Variants in GATC observed in about 807,000 individuals in gnomAD.
The protein encoded by GATC is glutamyl-tRNA(Gln) amidotransferase subunit C, mitochondrial.
A neutral mutation model predicts 14.4 loss-of-function variants in GATC; 11 were observed. The observed-to-expected ratio is 0.77, with a 90% CI of 0.48 to 1.27. The LOEUF (loss-of-function observed/expected upper bound fraction) is 1.27. Ranked by LOEUF, GATC falls within the 50% of genes most tolerant of loss-of-function variation. The pLI, the probability that GATC is intolerant of heterozygous loss-of-function variation, is 0.00. For synonymous variants in GATC, 76 were observed against 79.3 expected (o/e 0.96, Z 0.22); for missense variants, 204 against 183.0 (o/e 1.11, Z -0.66).
At chr12:120,450,371 AAACCT>A (rs1300333523) in intron 2 of GATC, 1 of 152,218 alleles carries the variant, frequency 6.6e-6, no homozygotes. Flanking sequence ...GACAAGTATT[AAACCT>A]TTTATTTTTT....
intron 3 of GATC, among the ~76,000 whole-genome samples, chr12:120,457,505 A>C (rs1278405580): frequency 1.3e-5 from 2 of 150,882 alleles, no homozygotes; most frequent in African/African-American, 4.9e-5. Context: ...CCTGTAATCG[A>C]CTCCAACTTT....
At position 120,451,888 on chromosome 12, in the gene GATC, T is replaced by TC. The variant is rs1389494004; in HGVS notation, c.254+5059_254+5060insC. On this transcript the variant is annotated intron_variant, in intron 2 of 3. Transcript: ENST00000551765. The stretch of plus-strand genomic sequence containing the variant: ...ATTATATAAATTCTTTTTTTTTTTT[T>TC]TTTTTTTGAGCTGGAGTCTCACTCT... Among the ~76,000 whole-genome samples, 37 of 69,324 alleles carry TC rather than the reference T, an allele frequency of 5.3e-4. 1 individual carries two copies. Among genetic ancestry groups the TC allele is most frequent in the African/African-American group, 1.1e-3 (23 of 20,710 alleles). The allele number at this position is 69,324 out of a possible 152,430, so 45.5% of individuals were successfully genotyped here.
At chr12:120,449,820 T>G (rs1323958681) in intron 2 of GATC, among the ~76,000 whole-genome samples, 1 of 151,928 alleles carries the variant, frequency 6.6e-6, no homozygotes, top group East Asian at 1.9e-4. Flanking sequence ...TGGAGTGCAA[T>G]GGCGCGATCT....
intron 2 of GATC, among the ~76,000 whole-genome samples, chr12:120,451,875 C>CTTTTTTTTTTTTCTTTTTTTTTTTTTTTT (rs1592984307): frequency 3.3e-5 from 3 of 90,794 alleles, no homozygotes; most frequent in African/African-American, 8.4e-5. Flanking sequence ...TATATAAATT[C>CTTTTTTTTTTTTCTTTTTTTTTTTTTTTT]TTTTTTTTTT....
At chr12:120,456,309 G>T (rs1449155169) in intron 2 of GATC, among the ~76,000 whole-genome samples, 1 of 152,142 alleles carries the variant, frequency 6.6e-6, no homozygotes, top group Admixed American at 6.5e-5. Flanking sequence ...CAGAACACTG[G>T]GAGATTCTTG....
chr12:120,446,742 G>A lies in GATC; in HGVS notation c.167G>A (p.Arg56Gln). The change falls in exon 2 of 4, where the codon CGA (arginine) becomes CAA (glutamine). Residue 56 changes from arginine (R) to glutamine (Q), a missense_variant. Coordinates refer to ENST00000551765, the MANE Select transcript of GATC (RefSeq NM_176818.3). ...TTCGGCAGCCGCGAGGCAGTGGCGC[G>A]ACTGGAGAAAGCTATCGCCTTCGCC... Reference protein sequence around the residue: ...VDFGSREAVARLEKAIAFADR... With the variant: ...VDFGSREAVAQLEKAIAFADR... The A allele has an allele frequency of 1.2e-6, 2 of 1,614,054 alleles. No homozygotes were observed. Among genetic ancestry groups the A allele is most frequent in the East Asian group, 2.2e-5 (1 of 44,874 alleles).
chr12:120,448,581 C>T (rs1424287996), intron 2 of GATC, among the ~76,000 whole-genome samples: 4 of 150,622 alleles, frequency 2.7e-5, no homozygotes, highest in Non-Finnish European at 5.9e-5. Flanking sequence ...CGCCCATCTT[C>T]GCCTCCCAAA....
At position 120,457,191 on chromosome 12, in the gene GATC, C is replaced by T. The variant is rs1878209678; in HGVS notation, c.358+12C>T. On this transcript the variant is annotated intron_variant, in intron 3 of 3. Coordinates refer to ENST00000551765, the MANE Select transcript of GATC (RefSeq NM_176818.3). ...TGTGGCCCCCCCAGGTACGTGCTGC[C>T]CAGAATGGTTTAACAGATAGTCTCA... 1 of 1,580,510 alleles carries T rather than the reference C, an allele frequency of 6.3e-7. No individual in the cohort carries two copies. The highest frequency in any genetic ancestry group is 1.1e-5 in the South Asian group (1 of 90,310).
rs1308390043 is a variant in GATC at position 120,457,900 on chromosome 12, T to C, written c.358+721T>C. ...TCTTATTGTGACAACTTAGTTATCA[T>C]GTGTGGCCTTAGCCCAGATGTTTCT... On this transcript the variant is annotated intron_variant, in intron 3 of 3. Coordinates refer to ENST00000551765, the MANE Select transcript of GATC (RefSeq NM_176818.3). 2.6e-5 allele frequency among the ~76,000 whole-genome samples: 4 copies of C among 150,994 alleles called. No homozygotes were observed. In the East Asian group the frequency reaches 7.8e-4, roughly 30 times the overall value.
intron 2 of GATC, among the ~76,000 whole-genome samples, chr12:120,451,143 C>CAA (rs143607117): frequency 8.9e-5 from 5 of 56,464 alleles, no homozygotes; most frequent in African/African-American, 9.4e-5. Context: ...GACTCCATCT[C>CAA]AAAAAAAAAA....
At chr12:120,459,558 A>G (rs529939731) in intron 3 of GATC, among the ~76,000 whole-genome samples, 2 of 152,270 alleles carry the variant, frequency 1.3e-5, no homozygotes, top group East Asian at 1.9e-4. Flanking sequence ...AGGCTCAGCT[A>G]TAACATTCTC....
chr12:120,455,618 T>G (rs1878161980), intron 2 of GATC, among the ~76,000 whole-genome samples: 1 of 152,330 alleles, frequency 6.6e-6, no homozygotes, highest in South Asian at 2.1e-4. Context: ...ATTTGTTGTG[T>G]CTAGCTTTGG....
rs1176906562 is a variant in GATC, at chr12:120,462,028, C to T, written c.*2069C>T. ...ATTCCCATCACCTGTCTCAGTAGGG[C>T]CTGAAAGGAGAGAAGTAGTGTGGGG... On this transcript the variant is annotated 3_prime_UTR_variant, in exon 4 of 4. Transcript: ENST00000551765. The T allele has an allele frequency of 6.2e-6, 10 of 1,610,038 alleles. No individual in the cohort carries two copies. The highest frequency in any genetic ancestry group is 1.3e-5 in the African/African-American group (1 of 74,688).
rs201519820 is a variant in GATC, at chr12:120,446,491, G to C, written c.11G>C (p.Arg4Pro). 3 of 1,607,396 alleles carry C rather than the reference G, an allele frequency of 1.9e-6. No homozygotes were observed. Among genetic ancestry groups the C allele is most frequent in the Non-Finnish European group, 2.6e-6 (3 of 1,176,156 alleles). MWS[R>P]LVWLGLRAPL... ...CCAAGGAAGGAAGAAATGTGGTCGC[G>C]GTTGGTGTGGCTGGGCCTTCGGGCC... Residue 4 changes from arginine to proline, a missense_variant, in exon 1 of 4, where the codon CGG (arginine) becomes CCG (proline). Arg to Pro is a moderately radical substitution (Grantham distance 103). Coordinates refer to ENST00000551765, the MANE Select transcript of GATC (RefSeq NM_176818.3).
chr12:120,459,659 A>G (rs1445600484), intron 3 of GATC, among the ~76,000 whole-genome samples: 1 of 152,172 alleles, frequency 6.6e-6, no homozygotes, highest in Non-Finnish European at 1.5e-5. Context: ...GATCGAGACC[A>G]TCCTGGCTAA....
At chr12:120,458,715 C>T (rs1330334265) in intron 3 of GATC, among the ~76,000 whole-genome samples, 2 of 152,176 alleles carry the variant, frequency 1.3e-5, no homozygotes, top group African/African-American at 4.8e-5. Context: ...TGCTAAGTGC[C>T]AACTTCCAGT....
chr12:120,454,112 TAG>T (rs1363169599), intron 2 of GATC, among the ~76,000 whole-genome samples: 2 of 152,142 alleles, frequency 1.3e-5, no homozygotes, highest in African/African-American at 4.8e-5. Flanking sequence ...TTGGCGGTAG[TAG>T]AGAGTCTTCC....
Position 120,463,121 on chromosome 12 carries a change from A to G in GATC, c.*3162A>G, listed in dbSNP as rs533450304. 1.4e-5 allele frequency: 1 copy of G among 70,954 alleles called. No homozygotes were observed. Among genetic ancestry groups the G allele is most frequent in the Admixed American group, 1.1e-4 (1 of 9,448 alleles). The allele number at this position is 70,954 out of a possible 1,614,324, so 4.4% of individuals were successfully genotyped here. A position where few individuals can be genotyped will look rare whatever the true frequency, so the allele number is the denominator to read the frequency against. On this transcript the variant is annotated 3_prime_UTR_variant, in exon 4 of 4. Transcript: ENST00000551765. ...CAGGACAGGATAACCAGAAAAAAAC[A>G]ATGTCCAACTGGTCTGGTTTCTGGT...
intron 2 of GATC, among the ~76,000 whole-genome samples, chr12:120,455,272 G>A (rs762952270): frequency 3.3e-5 from 5 of 151,684 alleles, no homozygotes; most frequent in South Asian, 2.1e-4. Flanking sequence ...GGGTTCAGGC[G>A]ATTCTCCCGC....
Sources: allele counts gnomAD v4.1 joint callset (sites outside exome capture counted in the v4.1 genomes callset), GRCh38; gene constraint gnomAD v4.1.1; transcripts MANE v1.5; gene names NCBI Gene and HGNC (gene_info 2026-07-23, HGNC 2026-07-21).